The following CCDC154 variants were observed in gnomAD, a reference collection of about 807,000 sequenced individuals.
CCDC154 encodes the protein coiled-coil domain-containing protein 154.
CCDC154 carries 91 observed loss-of-function variants against 87.5 expected under a neutral mutation model. The ratio of observed to expected loss-of-function variants is 1.04; its 90% CI spans 0.88 to 1.24. The LOEUF is 1.24. CCDC154 is among the 50% of genes most tolerant of loss of function. The pLI is 0.00. For missense variants in CCDC154, 903 were observed against 879.2 expected, an observed-to-expected ratio of 1.03 and a Z score of -0.34; for synonymous variants, 418 against 400.4, an observed-to-expected ratio of 1.04 and a Z score of -0.52.
rs1163042251 is a variant in CCDC154 at position 1,435,011 on chromosome 16, G to A, written c.1692+78C>T. ...GGACAGACAGACACTGGCGCCTGCA[G>A]CAGGGCAGGCGGGGAGGCGGCAGGG... On this transcript the variant is annotated intron_variant, in intron 15 of 16. Coordinates refer to ENST00000389176, the MANE Select transcript of CCDC154 (RefSeq NM_001143980.3). 1.5e-5 allele frequency: 22 copies of A among 1,445,642 alleles called. No homozygotes were observed. The East Asian group carries it at 2.5e-4, about 16-fold the overall frequency. The allele number at this position is 1,445,642 out of a possible 1,614,324, so 89.6% of individuals were successfully genotyped here.
Position 1,437,803 on chromosome 16 carries a change from G to A in CCDC154, c.1290+14C>T, listed in dbSNP as rs537955973. 1,500 of 1,521,918 alleles carry A rather than the reference G, an allele frequency of 9.9e-4. 2 individuals carry two copies. The highest frequency in any genetic ancestry group is 2.9e-3 in the African/African-American group (209 of 72,800). 94.3% of individuals were successfully genotyped at this position (1,521,918 alleles called of 1,614,324 possible). On this transcript the variant is annotated intron_variant, in intron 11 of 16. Coordinates refer to ENST00000389176, the MANE Select transcript of CCDC154 (RefSeq NM_001143980.3). ...CCCATAGCCCCGCCTGCCCCCGCCC[G>A]CTGCCTGGCGCACCTCGGACAGCCT...
intron 6 of CCDC154, among the ~76,000 whole-genome samples, chr16:1,439,520 C>T (rs1460216652): frequency 1.3e-5 from 2 of 151,954 alleles, no homozygotes; most frequent in Non-Finnish European, 2.9e-5. Flanking sequence ...GTCTCCACAC[C>T]AACAGCTGCT....
At chr16:1,438,537 G>T in intron 9 of CCDC154, 82 bp downstream of exon 9, 2 of 1,272,426 alleles carry the variant, frequency 1.6e-6, no homozygotes, top group Non-Finnish European at 2.2e-6. Context: ...ATTCCCTGCT[G>T]AGTCGGCCAC....
Position 1,437,972 on chromosome 16 carries a change from G to GA in CCDC154, c.1153-19_1153-18insT. 1 of 1,541,930 alleles carries GA rather than the reference G, an allele frequency of 6.5e-7. No homozygotes were observed. Among genetic ancestry groups the GA allele is most frequent in the Non-Finnish European group, 8.8e-7 (1 of 1,141,660 alleles). Reference sequence around the variant, plus strand: ...TCTCGGAGCTGCAGGGGACAGGTGGGCACGGGGAGGCCTGGCTGAGCGCCC... The same window carrying GA: ...TCTCGGAGCTGCAGGGGACAGGTGGGACACGGGGAGGCCTGGCTGAGCGCCC... On this transcript the variant is annotated intron_variant, in intron 10 of 16. Transcript: ENST00000389176.
chr16:1,443,146 T>A, intron 4 of CCDC154, 115 bp downstream of exon 4: 1 of 1,382,400 alleles, frequency 7.2e-7, no homozygotes, highest in South Asian at 1.3e-5. Flanking sequence ...TGGATGTGTA[T>A]CCCCCACTCC....
intron 14 of CCDC154, 79 bp from the exon 15 acceptor site, chr16:1,435,254 A>G (rs9927323): frequency 0.11 from 141,649 of 1,266,140 alleles, 13,340 homozygotes; most frequent in African/African-American, 0.48. Flanking sequence ...CCCGATATCC[A>G]CTGTTGAGTG....
chr16:1,443,147 C>A lies in CCDC154; in HGVS notation c.455+114G>T, dbSNP rs1215664178. On this transcript the variant is annotated intron_variant, in intron 4 of 16. Transcript: ENST00000389176. Reference sequence around the variant, plus strand: ...TTTCTAGCTGGACCTGGATGTGTATCCCCCACTCCAGCGACACCCAGCGGG... The same window carrying A: ...TTTCTAGCTGGACCTGGATGTGTATACCCCACTCCAGCGACACCCAGCGGG... 4.3e-6 allele frequency: 6 copies of A among 1,386,506 alleles called. No homozygotes were observed. In the African/African-American group the frequency reaches 7.3e-5, roughly 17 times the overall value. The allele number at this position is 1,386,506 out of a possible 1,614,324, so 85.9% of individuals were successfully genotyped here. A position where few individuals can be genotyped will look rare whatever the true frequency, so the allele number is the denominator to read the frequency against.
intron 6 of CCDC154, among the ~76,000 whole-genome samples, chr16:1,441,702 G>A (rs1567258967): frequency 6.6e-6 from 1 of 152,170 alleles, no homozygotes; most frequent in Non-Finnish European, 1.5e-5. Context: ...GGGAGGGGTG[G>A]AGGCGGCAGG....
intron 6 of CCDC154, among the ~76,000 whole-genome samples, chr16:1,441,034 A>G (rs1227790343): frequency 6.6e-6 from 1 of 151,912 alleles, no homozygotes; most frequent in Non-Finnish European, 1.5e-5. Context: ...CAAGAGGATC[A>G]CTTGAGCCTG....
chr16:1,438,429 C>T, intron 9 of CCDC154, 190 bp downstream of exon 9: 1 of 727,942 alleles, frequency 1.4e-6, no homozygotes. Flanking sequence ...GGAGGGCAGG[C>T]TGGGTGAGGG....
chr16:1,436,903 G>A, intron 11 of CCDC154, 92 bp from the exon 12 acceptor site: 1 of 1,486,564 alleles, frequency 6.7e-7, no homozygotes, highest in Non-Finnish European at 9.1e-7. Flanking sequence ...GGAGCAGGCG[G>A]CCCCCACCCC....
chr16:1,435,061 C>A, intron 15 of CCDC154, 28 bp downstream of exon 15: 1 of 1,540,296 alleles, frequency 6.5e-7, no homozygotes, highest in Non-Finnish European at 8.8e-7. Flanking sequence ...GGGAGCTGGG[C>A]GGTGCCGGCC....
At position 1,437,799 on chromosome 16, in the gene CCDC154, G is replaced by A. The variant is rs771438779; in HGVS notation, c.1290+18C>T. ...ACTCCCCATAGCCCCGCCTGCCCCC[G>A]CCCGCTGCCTGGCGCACCTCGGACA... On this transcript the variant is annotated intron_variant, in intron 11 of 16. Coordinates refer to ENST00000389176, the MANE Select transcript of CCDC154 (RefSeq NM_001143980.3). 265 of 1,518,660 alleles carry A rather than the reference G, an allele frequency of 1.7e-4. 1 individual carries two copies. The highest frequency in any genetic ancestry group is 4.0e-4 in the South Asian group (33 of 83,066). 94.1% of individuals were successfully genotyped at this position (1,518,660 alleles called of 1,614,324 possible). A position where few individuals can be genotyped will look rare whatever the true frequency, so the allele number is the denominator to read the frequency against.
Position 1,443,713 on chromosome 16 carries a change from G to A in CCDC154, c.225-18C>T. ...CCACCACCCTGGCCGGGGCGAGAGTGGGCGAGTCTGGCGGTGCCCGCCGTG... is the reference window on the plus strand; with the variant it reads ...CCACCACCCTGGCCGGGGCGAGAGTAGGCGAGTCTGGCGGTGCCCGCCGTG... On this transcript the variant is annotated intron_variant, in intron 2 of 16. Coordinates refer to ENST00000389176, the MANE Select transcript of CCDC154 (RefSeq NM_001143980.3). The A allele has an allele frequency of 1.5e-6, 2 of 1,298,132 alleles. No individual in the cohort carries two copies. The highest frequency in any genetic ancestry group is 2.0e-6 in the Non-Finnish European group (2 of 993,414). 80.4% of individuals were successfully genotyped at this position (1,298,132 alleles called of 1,614,324 possible).
chr16:1,442,850 C>T (rs932604131), intron 5 of CCDC154, 30 bp downstream of exon 5: 54 of 1,540,338 alleles, frequency 3.5e-5, no homozygotes, highest in Middle Eastern at 1.7e-4. Flanking sequence ...ACGCAAGCTC[C>T]GGAGCCAGCC....
chr16:1,436,929 G>C (rs1471173044), intron 11 of CCDC154, 118 bp from the exon 12 acceptor site: 22 of 1,364,392 alleles, frequency 1.6e-5, no homozygotes, highest in Non-Finnish European at 2.2e-5. Context: ...CCAGCTCTGA[G>C]ACATTTGTGC....
chr16:1,435,103 T>C lies in CCDC154; in HGVS notation c.1678A>G (p.Thr560Ala). The change falls in exon 15 of 17, where the codon ACT becomes GCT. Residue 560 changes from threonine (T) to alanine (A), a missense_variant. Thr to Ala is a moderately conservative substitution (Grantham distance 58). Coordinates refer to ENST00000389176, the MANE Select transcript of CCDC154 (RefSeq NM_001143980.3). ...NKTIQNLRFN[T>A]EARLRTQEMA... ...GGCCTCCTCACCAGCCGGGCCTCAG[T>C]GTTGAACCTGAGGTTCTGGATGGTC... 1 of 1,549,610 alleles carries C rather than the reference T, an allele frequency of 6.5e-7. No individual in the cohort carries two copies. Among genetic ancestry groups the C allele is most frequent in the Non-Finnish European group, 8.7e-7 (1 of 1,146,672 alleles).
chr16:1,437,553 C>A (rs960346690), intron 11 of CCDC154: 8 of 452,146 alleles, frequency 1.8e-5, no homozygotes, highest in Non-Finnish European at 3.1e-5. Context: ...GTGAGCTGCC[C>A]GCATGGCCGG....
chr16:1,441,224 C>T (rs1390326290), intron 6 of CCDC154, among the ~76,000 whole-genome samples: 1 of 152,236 alleles, frequency 6.6e-6, no homozygotes, highest in African/African-American at 2.4e-5. Context: ...CGGCAGCTCC[C>T]CCACACCTGG....
Sources: allele counts gnomAD v4.1 joint callset (sites outside exome capture counted in the v4.1 genomes callset), GRCh38; gene constraint gnomAD v4.1.1; transcripts MANE v1.5; gene names NCBI Gene and HGNC (gene_info 2026-07-23, HGNC 2026-07-21).